EPB41L2: variants seen among roughly 807,000 people sequenced by gnomAD.
EPB41L2 encodes the protein band 4.1-like protein 2.
A neutral mutation model predicts 113.0 loss-of-function variants in EPB41L2; 43 were observed. The observed-to-expected ratio is 0.38, with a 90% CI of 0.30 to 0.49. EPB41L2 has a LOEUF of 0.49. EPB41L2 is among the 20% of genes least tolerant of loss of function. The pLI is 0.95. For synonymous variants in EPB41L2, 442 were observed against 436.7 expected, an observed-to-expected ratio of 1.01 and a Z score of -0.15; for missense variants, 1,147 against 1,223.4, an observed-to-expected ratio of 0.94 and a Z score of 0.93.
At chr6:130,913,457 C>T (rs1440665742) in intron 4 of EPB41L2, among the ~76,000 whole-genome samples, 1 of 152,164 alleles carries the variant, frequency 6.6e-6, no homozygotes, top group Non-Finnish European at 1.5e-5. Context: ...CCCAGTACTA[C>T]AACTTTGCAA....
At chr6:131,034,573 C>CA (rs1792918290) in intron 1 of EPB41L2, among the ~76,000 whole-genome samples, 1 of 152,164 alleles carries the variant, frequency 6.6e-6, no homozygotes, top group Non-Finnish European at 1.5e-5. Context: ...ATTACTTTTC[C>CA]AAAATCATAC....
At chr6:130,942,579 T>G (rs1811235727) in intron 3 of EPB41L2, among the ~76,000 whole-genome samples, 2 of 152,098 alleles carry the variant, frequency 1.3e-5, no homozygotes, top group South Asian at 4.1e-4. Context: ...CTGGCAAAGA[T>G]TTTTTAAATT....
intron 18 of EPB41L2, among the ~76,000 whole-genome samples, chr6:130,860,985 C>T (rs1781833442): frequency 6.6e-6 from 1 of 152,188 alleles, no homozygotes; most frequent in Non-Finnish European, 1.5e-5. Context: ...AAAAGCATGC[C>T]TCTTTGATTT....
chr6:130,933,837 G>A (rs1233991232), intron 3 of EPB41L2, among the ~76,000 whole-genome samples: 1 of 152,136 alleles, frequency 6.6e-6, no homozygotes, highest in Non-Finnish European at 1.5e-5. Flanking sequence ...AGGAATTTGT[G>A]CAACTGCTTA....
intron 1 of EPB41L2, among the ~76,000 whole-genome samples, chr6:131,062,106 T>A (rs572930023): frequency 6.7e-6 from 1 of 149,654 alleles, no homozygotes. Context: ...ACTACCCGGG[T>A]CCGTAGGGAG....
intron 3 of EPB41L2, among the ~76,000 whole-genome samples, chr6:130,954,433 T>C (rs1413743079): frequency 1.3e-5 from 2 of 152,194 alleles, no homozygotes; most frequent in African/African-American, 2.4e-5. Context: ...ATAGCAATGA[T>C]AATATCTACC....
chr6:130,963,467 A>G (rs1028445213), intron 1 of EPB41L2, among the ~76,000 whole-genome samples: 3 of 152,336 alleles, frequency 2.0e-5, no homozygotes, highest in African/African-American at 7.2e-5. Context: ...ACTCTAAATA[A>G]GAATGAAACC....
intron 1 of EPB41L2, among the ~76,000 whole-genome samples, chr6:131,027,537 A>G (rs1277216003): frequency 6.6e-6 from 1 of 152,236 alleles, no homozygotes; most frequent in African/African-American, 2.4e-5. Context: ...AAACCTGCAG[A>G]GACTCAAATG....
At chr6:130,958,465 C>G (rs978477002) in intron 1 of EPB41L2, among the ~76,000 whole-genome samples, 13 of 43,428 alleles carry the variant, frequency 3.0e-4, no homozygotes, top group Non-Finnish European at 3.7e-4. Flanking sequence ...ACAACAACAA[C>G]AACAAAAAAA....
intron 1 of EPB41L2, among the ~76,000 whole-genome samples, chr6:131,044,343 T>TA (rs1225083775): frequency 2.0e-5 from 3 of 151,462 alleles, no homozygotes; most frequent in South Asian, 2.1e-4. Context: ...CTTTTTTGTT[T>TA]AAAAAAAAAT....
intron 1 of EPB41L2, among the ~76,000 whole-genome samples, chr6:130,995,931 A>G (rs1307741986): frequency 6.6e-6 from 1 of 152,238 alleles, no homozygotes; most frequent in Admixed American, 6.5e-5. Context: ...ATTGGAACAT[A>G]TAAATTCAAT....
chr6:130,889,431 T>C (rs1259040487), intron 11 of EPB41L2, among the ~76,000 whole-genome samples: 1 of 152,136 alleles, frequency 6.6e-6, no homozygotes, highest in African/African-American at 2.4e-5. Context: ...CTACAAAATG[T>C]AGCTAATTAG....
rs927207588 is a variant in EPB41L2 at position 130,910,323 on chromosome 6, C to T, written c.811-1460G>A. 2.6e-5 allele frequency among the ~76,000 whole-genome samples: 4 copies of T among 152,154 alleles called. No homozygotes were observed. In the East Asian group the frequency reaches 7.7e-4, roughly 29 times the overall value. ...AATGATGTTGGGAAAACTGGCTAGC[C>T]ATATGCCGAAAACTGAAACTGGACT... On this transcript the variant is annotated intron_variant, in intron 4 of 19. Coordinates refer to ENST00000337057, the MANE Select transcript of EPB41L2 (RefSeq NM_001431.4).
intron 1 of EPB41L2, among the ~76,000 whole-genome samples, chr6:131,011,922 C>G (rs1329693000): frequency 6.6e-6 from 1 of 152,168 alleles, no homozygotes; most frequent in Non-Finnish European, 1.5e-5. Context: ...AACAACTTTC[C>G]AGGCCAAGCA....
Position 131,004,380 on chromosome 6 carries a change from T to C in EPB41L2, c.-14-47881A>G, listed in dbSNP as rs10499181. On this transcript the variant is annotated intron_variant, in intron 1 of 19. Transcript: ENST00000337057. The stretch of plus-strand genomic sequence containing the variant: ...ACAAAGCAGGTAGAATAACAGTTTC[T>C]TGACATAAAGTAAACACCAATATAT... Among the ~76,000 whole-genome samples, 3,849 of 152,258 alleles carry C rather than the reference T, an allele frequency of 0.025. 238 individuals are homozygous for C. In the East Asian group the frequency reaches 0.28, roughly 11 times the overall value.
chr6:131,057,050 C>T (rs946486320), intron 1 of EPB41L2, among the ~76,000 whole-genome samples: 1 of 151,632 alleles, frequency 6.6e-6, no homozygotes, highest in South Asian at 2.1e-4. Flanking sequence ...ATGAAAAGTG[C>T]AATAGGGTGA....
At chr6:130,908,121 C>T (rs1249744775) in intron 5 of EPB41L2, among the ~76,000 whole-genome samples, 2 of 152,036 alleles carry the variant, frequency 1.3e-5, no homozygotes. Context: ...GGCACAGATA[C>T]CAAAAAAACA....
chr6:130,894,779 T>C (rs952341805), intron 9 of EPB41L2, among the ~76,000 whole-genome samples, 188 bp downstream of exon 9: 1 of 152,172 alleles, frequency 6.6e-6, no homozygotes, highest in Non-Finnish European at 1.5e-5. Flanking sequence ...AGCGTGATGG[T>C]TGCTTTTTTT....
At chr6:130,842,873 CT>C (rs1041808539) in intron 19 of EPB41L2, among the ~76,000 whole-genome samples, 4 of 152,126 alleles carry the variant, frequency 2.6e-5, no homozygotes, top group East Asian at 1.9e-4. Context: ...CATTAATAAA[CT>C]TTTTTTCTGG....
Sources: gnomAD v4.1 joint callset for allele counts (sites outside exome capture counted in the v4.1 genomes callset) on GRCh38, gnomAD v4.1.1 for gene constraint, MANE v1.5 for transcripts, NCBI Gene and HGNC (gene_info 2026-07-23, HGNC 2026-07-21) for gene names.